GPC5: variants seen among roughly 807,000 people sequenced by gnomAD.
GPC5 encodes glypican 5.
Under a neutral mutation model 53.9 loss-of-function variants are expected in GPC5, and 47 were observed. That is an observed-to-expected ratio of 0.87 (90% CI 0.69 to 1.11). GPC5 has a LOEUF of 1.11. GPC5 is among the 50% of genes most tolerant of loss of function. GPC5 has a pLI of 0.00. For missense variants in GPC5, 748 were observed against 713.1 expected, an observed-to-expected ratio of 1.05 and a Z score of -0.56; for synonymous variants, 286 against 263.3, an observed-to-expected ratio of 1.09 and a Z score of -0.84.
At chr13:92,495,761 T>G (rs890194250) in intron 7 of GPC5, among the ~76,000 whole-genome samples, 4 of 152,094 alleles carry the variant, frequency 2.6e-5, no homozygotes, top group Admixed American at 6.6e-5. Context: ...TCACTGAAAT[T>G]ATAACACTTA....
intron 7 of GPC5, among the ~76,000 whole-genome samples, chr13:92,588,579 C>T (rs942248379): frequency 6.6e-6 from 1 of 152,174 alleles, no homozygotes; most frequent in Non-Finnish European, 1.5e-5. Context: ...CAGGTTTTCT[C>T]ATCATATAAT....
chr13:92,357,051 TC>T (rs1285800074), intron 7 of GPC5, among the ~76,000 whole-genome samples: 1 of 148,168 alleles, frequency 6.7e-6, no homozygotes, highest in Admixed American at 6.6e-5. Context: ...TTGATCTTGT[TC>T]TTTCTTACTC....
chr13:91,544,351 A>C (rs917547863), intron 2 of GPC5, among the ~76,000 whole-genome samples: 9 of 152,136 alleles, frequency 5.9e-5, no homozygotes, highest in African/African-American at 2.2e-4. Flanking sequence ...ATTTTCTTGA[A>C]AATACTACAG....
rs866070959 is a variant in GPC5 at position 91,987,963 on chromosome 13, T to C, written c.1401+79906T>C. ...ATTATAGTAATTATTATAGTAAATA[T>C]ATAATATAGTAATAGTTACATGTAA... On this transcript the variant is annotated intron_variant, in intron 6 of 7. Transcript: ENST00000377067. 1.4e-3 allele frequency among the ~76,000 whole-genome samples: 201 copies of C among 145,940 alleles called. 1 individual carries two copies. Among genetic ancestry groups the C allele is most frequent in the Middle Eastern group, 7.3e-3 (2 of 274 alleles).
chr13:92,038,367 G>C (rs1395810661), intron 6 of GPC5, among the ~76,000 whole-genome samples: 4 of 133,062 alleles, frequency 3.0e-5, no homozygotes, highest in Non-Finnish European at 4.8e-5. Flanking sequence ...TAGATAGATA[G>C]ATAGATAGAT....
intron 2 of GPC5, among the ~76,000 whole-genome samples, chr13:91,458,612 C>T (rs1041342769): frequency 1.3e-5 from 2 of 152,062 alleles, no homozygotes; most frequent in Admixed American, 1.3e-4. Flanking sequence ...TAGATGTTGG[C>T]ATGGATGCGG....
intron 7 of GPC5, among the ~76,000 whole-genome samples, chr13:92,570,118 T>A (rs1389519003): frequency 6.6e-6 from 1 of 152,200 alleles, no homozygotes; most frequent in Non-Finnish European, 1.5e-5. Context: ...TTATACATGC[T>A]TGCTGTAGGT....
chr13:92,490,977 A>G (rs1304494754), intron 7 of GPC5, among the ~76,000 whole-genome samples: 1 of 152,114 alleles, frequency 6.6e-6, no homozygotes, highest in Non-Finnish European at 1.5e-5. Flanking sequence ...GTACAGAATG[A>G]GGTAGAACAA....
At chr13:91,797,582 C>T (rs138292506) in intron 5 of GPC5, among the ~76,000 whole-genome samples, 2,317 of 152,202 alleles carry the variant, frequency 0.015, 30 homozygotes, top group Non-Finnish European at 0.023. Flanking sequence ...AGATATTTAA[C>T]GTATTTAACA....
chr13:92,163,460 C>CAAAAA (rs35480023), intron 7 of GPC5, among the ~76,000 whole-genome samples: 5 of 90,352 alleles, frequency 5.5e-5, no homozygotes, highest in Admixed American at 1.2e-4. Context: ...GATTCCATCT[C>CAAAAA]AAAAAAAAAA....
At chr13:91,911,642 A>C (rs2039611672) in intron 6 of GPC5, among the ~76,000 whole-genome samples, 1 of 152,230 alleles carries the variant, frequency 6.6e-6, no homozygotes, top group African/African-American at 2.4e-5. Context: ...CTTCACTATG[A>C]AAAATGGACC....
chr13:92,004,427 G>C (rs1379065699), intron 6 of GPC5, among the ~76,000 whole-genome samples: 1 of 111,956 alleles, frequency 8.9e-6, no homozygotes, highest in African/African-American at 3.6e-5. Flanking sequence ...CCTGGAGACA[G>C]AGTGAGACTC....
Position 92,177,854 on chromosome 13 carries a change from G to A in GPC5, c.1561+32865G>A, listed in dbSNP as rs190901848. 2.7e-3 allele frequency among the ~76,000 whole-genome samples: 404 copies of A among 152,196 alleles called. 2 individuals carry two copies. The highest frequency in any genetic ancestry group is 9.5e-3 in the African/African-American group (396 of 41,512). ...ACAAAGCTCAACGAAAATTGGCTTC[G>A]ATATACCATTATTTTTCTATTTTCT... On this transcript the variant is annotated intron_variant, in intron 7 of 7. Transcript: ENST00000377067.
intron 2 of GPC5, among the ~76,000 whole-genome samples, chr13:91,646,081 G>T (rs574665314): frequency 1.3e-5 from 2 of 152,132 alleles, no homozygotes; most frequent in African/African-American, 4.8e-5. Context: ...TTAAACATAC[G>T]TATATGAAAG....
At chr13:92,772,384 C>T (rs1875646885) in intron 7 of GPC5, among the ~76,000 whole-genome samples, 1 of 152,202 alleles carries the variant, frequency 6.6e-6, no homozygotes, top group South Asian at 2.1e-4. Context: ...GTTGGCCTCC[C>T]TGCAGCTCTA....
rs1394429554 is a variant in GPC5, at chr13:92,125,954, T to G, written c.1402-18876T>G. ...TTTTTTTTTTTTTTTTTTTTTTTTT[T>G]TTTTTTTTTTTTTTTTTTTGAGATG... On this transcript the variant is annotated intron_variant, in intron 6 of 7. Transcript: ENST00000377067. 5.8e-4 allele frequency among the ~76,000 whole-genome samples: 29 copies of G among 49,590 alleles called. No homozygotes were observed. The South Asian group carries it at 9.8e-3, about 17-fold the overall frequency. 32.5% of individuals were successfully genotyped at this position (49,590 alleles called of 152,430 possible). A position where few individuals can be genotyped will look rare whatever the true frequency, so the allele number is the denominator to read the frequency against.
chr13:92,159,171 A>T (rs2041967611), intron 7 of GPC5, among the ~76,000 whole-genome samples: 1 of 152,130 alleles, frequency 6.6e-6, no homozygotes, highest in African/African-American at 2.4e-5. Flanking sequence ...ACTCCCTATA[A>T]ATTACATTTC....
At position 91,571,771 on chromosome 13, in the gene GPC5, A is replaced by ATATATACACACATATACGTGTGTGTATG. The variant is rs1555325777; in HGVS notation, c.326-121412_326-121411insTACACACATATACGTGTGTGTATGTATA. Among the ~76,000 whole-genome samples the ATATATACACACATATACGTGTGTGTATG allele has an allele frequency of 1.2e-4, 14 of 118,166 alleles. 1 individual carries two copies. The highest frequency in any genetic ancestry group is 1.6e-4 in the Non-Finnish European group (9 of 57,162). The allele number at this position is 118,166 out of a possible 152,430, so 77.5% of individuals were successfully genotyped here. On this transcript the variant is annotated intron_variant, in intron 2 of 7. Coordinates refer to ENST00000377067, the MANE Select transcript of GPC5 (RefSeq NM_004466.6). ...TACACACATATACATGTGTATGTGT[A>ATATATACACACATATACGTGTGTGTATG]TATACACACACATATACGTGTGTGT...
At chr13:92,091,115 T>C (rs199754668) in intron 6 of GPC5, among the ~76,000 whole-genome samples, 7 of 152,322 alleles carry the variant, frequency 4.6e-5, no homozygotes, top group East Asian at 3.9e-4. Context: ...GTCTCTGGTA[T>C]TCTGTTACAG....
Sources: gnomAD v4.1 joint callset for allele counts (sites outside exome capture counted in the v4.1 genomes callset) on GRCh38, gnomAD v4.1.1 for gene constraint, MANE v1.5 for transcripts, NCBI Gene and HGNC (gene_info 2026-07-23, HGNC 2026-07-21) for gene names.